OSBPL10: variants seen among roughly 807,000 people sequenced by gnomAD.
OSBPL10 encodes the protein oxysterol-binding protein-related protein 10.
OSBPL10 carries 49 observed loss-of-function variants against 81.7 expected under a neutral mutation model. That is an observed-to-expected ratio of 0.60 (90% CI 0.48 to 0.76). The LOEUF (loss-of-function observed/expected upper bound fraction) is 0.76, where lower values mean the gene tolerates loss of function less well. OSBPL10 is among the 30% of genes least tolerant of loss of function. The pLI is 0.00. For synonymous variants in OSBPL10, 419 were observed against 383.6 expected, an observed-to-expected ratio of 1.09 and a Z score of -1.08; for missense variants, 923 against 987.8, an observed-to-expected ratio of 0.93 and a Z score of 0.88.
chr3:31,708,040 G>A (rs183134064), intron 6 of OSBPL10, among the ~76,000 whole-genome samples: 4 of 152,284 alleles, frequency 2.6e-5, no homozygotes, highest in Admixed American at 1.3e-4. Context: ...CAGTGTCTAT[G>A]AGGAGCAAGT....
At chr3:31,726,667 G>A (rs1031861245) in intron 6 of OSBPL10, among the ~76,000 whole-genome samples, 1 of 152,068 alleles carries the variant, frequency 6.6e-6, no homozygotes, top group Non-Finnish European at 1.5e-5. Context: ...GATATGTCAT[G>A]AGGATGCAAT....
intron 1 of OSBPL10, among the ~76,000 whole-genome samples, chr3:31,936,881 A>G (rs1022936555): frequency 7.9e-5 from 12 of 152,220 alleles, no homozygotes; most frequent in Admixed American, 3.3e-4. Flanking sequence ...CAAGGCACTG[A>G]ATGGAACTGA....
chr3:31,744,315 T>C (rs1697450539), intron 5 of OSBPL10, among the ~76,000 whole-genome samples: 1 of 151,944 alleles, frequency 6.6e-6, no homozygotes, highest in African/African-American at 2.4e-5. Context: ...CCAAGGCGGA[T>C]GGATCACCTG....
chr3:31,837,321 TTATATATATATA>T (rs59797512), intron 3 of OSBPL10, among the ~76,000 whole-genome samples: 1,682 of 57,906 alleles, frequency 0.029, 29 homozygotes, highest in Non-Finnish European at 0.042. Flanking sequence ...GATCCCCAAA[TTATATATATATA>T]TATATATATA....
intron 1 of OSBPL10, among the ~76,000 whole-genome samples, chr3:31,928,484 C>T (rs921846855): frequency 1.3e-5 from 2 of 151,820 alleles, no homozygotes; most frequent in African/African-American, 2.4e-5. Context: ...TTAACAATGC[C>T]AAGAATGGCC....
rs529158602 is a variant in OSBPL10, at chr3:32,041,427, C to T, written n.298+5064G>A. ...CTCTACTTCACACCTACAATGCCAG[C>T]AGCATCAGACTACAGGCCAGCTGGA... On this transcript the variant is annotated intron_variant and non_coding_transcript_variant, in intron 2 of 3. Transcript: ENST00000479173. Among the ~76,000 whole-genome samples the T allele has an allele frequency of 1.5e-4, 23 of 152,300 alleles. No homozygotes were observed. The South Asian group carries it at 4.8e-3, about 32-fold the overall frequency.
At chr3:31,760,886 C>T (rs188413917) in intron 4 of OSBPL10, among the ~76,000 whole-genome samples, 7 of 152,112 alleles carry the variant, frequency 4.6e-5, no homozygotes, top group Admixed American at 3.9e-4. Context: ...TGACGGATTA[C>T]GGTTCAACAA....
At chr3:31,770,642 C>T (rs1004464257) in intron 4 of OSBPL10, among the ~76,000 whole-genome samples, 4 of 152,036 alleles carry the variant, frequency 2.6e-5, no homozygotes, top group Non-Finnish European at 5.9e-5. Flanking sequence ...CAAAATTAGC[C>T]GGGCATGGAG....
intron 1 of OSBPL10, among the ~76,000 whole-genome samples, chr3:32,052,351 T>C (rs1699676368): frequency 6.6e-6 from 1 of 152,230 alleles, no homozygotes. Flanking sequence ...AACTGCTTCT[T>C]TGACTTTTGA....
At chr3:31,823,616 G>C (rs1178564772) in intron 4 of OSBPL10, among the ~76,000 whole-genome samples, 2 of 152,120 alleles carry the variant, frequency 1.3e-5, no homozygotes, top group South Asian at 2.1e-4. Context: ...TAGGTAAAAA[G>C]AAATAGGTAG....
chr3:32,047,290 A>G (rs999019400), intron 1 of OSBPL10, among the ~76,000 whole-genome samples: 1 of 152,104 alleles, frequency 6.6e-6, no homozygotes, highest in Non-Finnish European at 1.5e-5. Flanking sequence ...AAACAAGTTT[A>G]TTAGAGAAGT....
chr3:31,781,509 G>C lies in OSBPL10; in HGVS notation c.730-33389C>G, dbSNP rs1265772413. On this transcript the variant is annotated intron_variant, in intron 4 of 11. Coordinates refer to ENST00000396556, the MANE Select transcript of OSBPL10 (RefSeq NM_017784.5). ...AATCAAGGGTATCCAAATTGGTAAA[G>C]AGGAAGTCAAATTATCACTGTTTGC... Among the ~76,000 whole-genome samples the C allele has an allele frequency of 2.6e-5, 4 of 152,276 alleles. No individual in the cohort carries two copies. The East Asian group carries it at 7.7e-4, about 29-fold the overall frequency.
intron 1 of OSBPL10, among the ~76,000 whole-genome samples, chr3:31,957,688 T>A (rs541500708): frequency 1.4e-3 from 209 of 152,340 alleles, no homozygotes; most frequent in Non-Finnish European, 2.5e-3. Flanking sequence ...TCGCCCTGGC[T>A]GGAGTGCAGT....
intron 4 of OSBPL10, among the ~76,000 whole-genome samples, chr3:31,752,624 A>C (rs1346613090): frequency 6.6e-6 from 1 of 152,248 alleles, no homozygotes; most frequent in Non-Finnish European, 1.5e-5. Context: ...AGAAAAAAAC[A>C]AGTCAAAAAA....
At chr3:31,934,942 C>G (rs1697345017) in intron 1 of OSBPL10, among the ~76,000 whole-genome samples, 1 of 152,146 alleles carries the variant, frequency 6.6e-6, no homozygotes, top group Non-Finnish European at 1.5e-5. Flanking sequence ...GATAGAAACT[C>G]CAAGGCTGGT....
At chr3:32,026,738 C>A (rs1360650453) in intron 2 of OSBPL10, among the ~76,000 whole-genome samples, 1 of 152,194 alleles carries the variant, frequency 6.6e-6, no homozygotes, top group East Asian at 1.9e-4. Flanking sequence ...CACACAGCTG[C>A]ATTTTGCAGG....
chr3:31,739,182 C>A (rs192013110), intron 5 of OSBPL10, among the ~76,000 whole-genome samples: 1 of 152,220 alleles, frequency 6.6e-6, no homozygotes, highest in Non-Finnish European at 1.5e-5. Flanking sequence ...CCTGCCTTGG[C>A]CTCTCAAATA....
At chr3:31,856,912 C>T (rs1700926221) in intron 3 of OSBPL10, among the ~76,000 whole-genome samples, 1 of 152,150 alleles carries the variant, frequency 6.6e-6, no homozygotes, top group Non-Finnish European at 1.5e-5. Context: ...CCCGTCTCTA[C>T]TAAAAATACA....
At chr3:31,993,009 A>C (rs538584388) in intron 2 of OSBPL10, among the ~76,000 whole-genome samples, 2 of 152,274 alleles carry the variant, frequency 1.3e-5, no homozygotes, top group African/African-American at 4.8e-5. Flanking sequence ...TCTCTAAAAA[A>C]TAAACAAATA....
Sources: allele counts gnomAD v4.1 joint callset (sites outside exome capture counted in the v4.1 genomes callset), GRCh38; gene constraint gnomAD v4.1.1; transcripts MANE v1.5; gene names NCBI Gene and HGNC (gene_info 2026-07-23, HGNC 2026-07-21).